The following SPATS2 variants were observed in gnomAD, a reference collection of about 807,000 sequenced individuals.
SPATS2 encodes the protein spermatogenesis-associated serine-rich protein 2.
SPATS2 carries 38 observed loss-of-function variants against 63.7 expected under a neutral mutation model. The ratio of observed to expected loss-of-function variants is 0.60; its 90% CI spans 0.46 to 0.78. The LOEUF is 0.78. SPATS2 is among the 30% of genes least tolerant of loss of function. The pLI, the probability that SPATS2 is intolerant of heterozygous loss-of-function variation, is 0.00. For synonymous variants in SPATS2, 207 were observed against 232.9 expected (o/e 0.89, Z 1.01); for missense variants, 588 against 666.2 (o/e 0.88, Z 1.29).
intron 2 of SPATS2, among the ~76,000 whole-genome samples, chr12:49,450,277 T>C (rs1281666081): frequency 4.6e-5 from 7 of 151,802 alleles, no homozygotes; most frequent in Non-Finnish European, 1.0e-4. Flanking sequence ...TGAGATGGAG[T>C]CTCGCTCTTT....
intron 3 of SPATS2, among the ~76,000 whole-genome samples, chr12:49,476,541 T>G (rs941468776): frequency 6.6e-6 from 1 of 152,170 alleles, no homozygotes; most frequent in Admixed American, 6.5e-5. Context: ...GATGGTAGGT[T>G]GCTAAACCGA....
At chr12:49,390,939 T>G (rs1256419245) in intron 2 of SPATS2, among the ~76,000 whole-genome samples, 2 of 152,214 alleles carry the variant, frequency 1.3e-5, no homozygotes, top group South Asian at 2.1e-4. Flanking sequence ...TTTTCTCTTC[T>G]CTGGCTGATT....
At chr12:49,391,357 C>A (rs1944415324) in intron 2 of SPATS2, among the ~76,000 whole-genome samples, 2 of 152,096 alleles carry the variant, frequency 1.3e-5, no homozygotes, top group African/African-American at 4.8e-5. Context: ...ACTAAAAATA[C>A]AAAAATTAGC....
At chr12:49,475,019 C>T (rs1946094699) in intron 3 of SPATS2, among the ~76,000 whole-genome samples, 1 of 152,172 alleles carries the variant, frequency 6.6e-6, no homozygotes, top group African/African-American at 2.4e-5. Flanking sequence ...AAGAGCAGCA[C>T]AGGAAAGACC....
intron 1 of SPATS2, among the ~76,000 whole-genome samples, chr12:49,367,868 G>T (rs1352688470): frequency 6.6e-6 from 1 of 152,106 alleles, no homozygotes; most frequent in Admixed American, 6.5e-5. Flanking sequence ...GAGCGTGTGT[G>T]GGGTATTGGA....
intron 2 of SPATS2, among the ~76,000 whole-genome samples, chr12:49,410,826 T>C (rs951779215): frequency 6.6e-6 from 1 of 152,086 alleles, no homozygotes; most frequent in Non-Finnish European, 1.5e-5. Flanking sequence ...TCCACTATAT[T>C]ATATTTAGTT....
At chr12:49,393,142 G>A (rs1216160166) in intron 2 of SPATS2, among the ~76,000 whole-genome samples, 7 of 150,014 alleles carry the variant, frequency 4.7e-5, no homozygotes, top group Admixed American at 6.7e-5. Flanking sequence ...TTTTTTAATT[G>A]TGGACATTTT....
intron 2 of SPATS2, among the ~76,000 whole-genome samples, chr12:49,386,287 C>T (rs896483943): frequency 7.2e-5 from 11 of 152,012 alleles, no homozygotes; most frequent in African/African-American, 2.2e-4. Context: ...GCCTCAGCCT[C>T]CCAGTAGCTG....
At chr12:49,495,465 G>C (rs1250878767) in intron 7 of SPATS2, among the ~76,000 whole-genome samples, 1 of 151,964 alleles carries the variant, frequency 6.6e-6, no homozygotes, top group African/African-American at 2.4e-5. Context: ...CCAAAGTGCT[G>C]GGATTACAGG....
chr12:49,502,876 G>A (rs1224066831), intron 9 of SPATS2, among the ~76,000 whole-genome samples: 1 of 152,092 alleles, frequency 6.6e-6, no homozygotes. Context: ...GCCTGAAAAT[G>A]TTCTCCTATT....
intron 2 of SPATS2, among the ~76,000 whole-genome samples, chr12:49,458,492 A>T (rs952778638): frequency 3.3e-5 from 5 of 151,924 alleles, no homozygotes; most frequent in Admixed American, 3.3e-4. Flanking sequence ...AGAAAAAAAA[A>T]ATATTGGCCA....
chr12:49,379,171 C>T (rs900782219), intron 2 of SPATS2, among the ~76,000 whole-genome samples: 10 of 151,440 alleles, frequency 6.6e-5, no homozygotes, highest in Non-Finnish European at 1.2e-4. Context: ...CCACCCACCT[C>T]GGCCTCCCAA....
chr12:49,428,369 C>T (rs1945121693), intron 2 of SPATS2, among the ~76,000 whole-genome samples: 1 of 152,156 alleles, frequency 6.6e-6, no homozygotes, highest in African/African-American at 2.4e-5. Flanking sequence ...CATTCTTGTG[C>T]ATCCATCTCC....
intron 10 of SPATS2, among the ~76,000 whole-genome samples, chr12:49,515,183 A>G (rs944491489): frequency 1.3e-5 from 2 of 152,174 alleles, no homozygotes; most frequent in African/African-American, 4.8e-5. Context: ...AACTTTGGTG[A>G]TTTGTGGGGT....
intron 9 of SPATS2, among the ~76,000 whole-genome samples, chr12:49,510,190 G>A (rs973512760): frequency 6.6e-6 from 1 of 151,294 alleles, no homozygotes; most frequent in Non-Finnish European, 1.5e-5. Flanking sequence ...TTGAGCCCAG[G>A]AGGTCAAGGA....
At chr12:49,373,626 CA>C (rs917615765) in intron 2 of SPATS2, among the ~76,000 whole-genome samples, 22 of 151,294 alleles carry the variant, frequency 1.5e-4, no homozygotes, top group Non-Finnish European at 3.1e-4. Context: ...CCTGTCTCTG[CA>C]AACAATTAAA....
chr12:49,406,687 A>C (rs576819790), intron 2 of SPATS2: 1 of 151,998 alleles, frequency 6.6e-6, no homozygotes, highest in South Asian at 2.1e-4. Flanking sequence ...TGCTACTTCT[A>C]TCTTTTGGTG....
At chr12:49,407,496 T>C (rs1944717262) in intron 2 of SPATS2, among the ~76,000 whole-genome samples, 1 of 152,160 alleles carries the variant, frequency 6.6e-6, no homozygotes, top group South Asian at 2.1e-4. Context: ...CTTGCTGTTT[T>C]TCTAAGATGC....
chr12:49,428,273 CAAAA>C (rs35741319), intron 2 of SPATS2, among the ~76,000 whole-genome samples: 36 of 138,656 alleles, frequency 2.6e-4, no homozygotes, highest in Admixed American at 2.6e-3. Flanking sequence ...AACAAACAAA[CAAAA>C]AAAAAAAACA....
Sources: allele counts gnomAD v4.1 joint callset (sites outside exome capture counted in the v4.1 genomes callset), GRCh38; gene constraint gnomAD v4.1.1; transcripts MANE v1.5; gene names NCBI Gene and HGNC (gene_info 2026-07-23, HGNC 2026-07-21).